PCDHGA2: variants seen among roughly 807,000 people sequenced by gnomAD.
The protein encoded by PCDHGA2 is protocadherin gamma subfamily A, 2, also known as protocadherin gamma-A2.
PCDHGA2 carries 40 observed loss-of-function variants against 59.2 expected under a neutral mutation model. The observed-to-expected ratio is 0.68, with a 90% CI of 0.52 to 0.88. PCDHGA2 has a LOEUF of 0.88. Among genes scored for constraint, PCDHGA2 ranks in the 40% least tolerant of loss-of-function variants. The pLI, the probability that PCDHGA2 is intolerant of heterozygous loss-of-function variation, is 0.00. For missense variants in PCDHGA2, 1,226 were observed against 1,204.0 expected, an observed-to-expected ratio of 1.02 and a Z score of -0.27; for synonymous variants, 560 against 526.0, an observed-to-expected ratio of 1.06 and a Z score of -0.89.
chr5:141,502,655 C>T (rs72790073), intron 2 of PCDHGA2, among the ~76,000 whole-genome samples: 29,437 of 152,034 alleles, frequency 0.19, 2,877 homozygotes, highest in Middle Eastern at 0.24. Context: ...AGGCAGCAAC[C>T]CTTCATGCAA....
intron 1 of PCDHGA2, among the ~76,000 whole-genome samples, chr5:141,456,363 G>A (rs1233146015): frequency 6.6e-6 from 1 of 152,098 alleles, no homozygotes; most frequent in African/African-American, 2.4e-5. Flanking sequence ...GTCCATGTGT[G>A]GTTCAGTTTA....
At chr5:141,483,670 A>G (rs1158511173) in intron 1 of PCDHGA2, among the ~76,000 whole-genome samples, 1 of 138,404 alleles carries the variant, frequency 7.2e-6, no homozygotes, top group African/African-American at 3.1e-5. Context: ...GTGTGTGTGT[A>G]AAAGAACACA....
rs779686795 is a variant in PCDHGA2, at chr5:141,476,566, G to A, written c.2425-18241G>A. On this transcript the variant is annotated intron_variant, in intron 1 of 3. Coordinates refer to ENST00000394576, the MANE Select transcript of PCDHGA2 (RefSeq NM_018915.4). The surrounding 1 kb of genome is among the most constrained non-coding windows in gnomAD (Gnocchi z 7.6). ...TGGAGATTAGCGAGGCCGTGGCTCC[G>A]GGGACGCGCTTTCCGCTCGAGAGCG... The A allele has an allele frequency of 1.2e-6, 2 of 1,614,062 alleles. No homozygotes were observed. Among genetic ancestry groups the A allele is most frequent in the East Asian group, 2.2e-5 (1 of 44,872 alleles).
intron 1 of PCDHGA2, chr5:141,383,126 C>T (rs1024955582): frequency 6.2e-7 from 1 of 1,614,062 alleles, no homozygotes; most frequent in African/African-American, 1.3e-5. Context: ...CAGCTTTTCG[C>T]CCTGAACCAG....
At chr5:141,385,158 T>C in intron 1 of PCDHGA2, 2 of 1,614,212 alleles carry the variant, frequency 1.2e-6, no homozygotes, top group African/African-American at 2.7e-5. Context: ...TGCAGACCTA[T>C]TCCCATGAGG....
chr5:141,340,674 C>T lies in PCDHGA2; in HGVS notation c.1703C>T (p.Pro568Leu), dbSNP rs142481120. Residue 568 changes from proline to leucine, a missense_variant, in exon 1 of 4, where the codon CCC (proline) becomes CTC (leucine). Pro to Leu is a moderately conservative substitution (Grantham distance 98). Coordinates refer to ENST00000394576, the MANE Select transcript of PCDHGA2 (RefSeq NM_018915.4). Reference protein sequence around the residue: ...NAPEILYPAFPTDGSTGVELA... With the variant: ...NAPEILYPAFLTDGSTGVELA... ...CCCGAGATCCTGTACCCTGCCTTCC[C>T]CACAGACGGTTCCACTGGCGTGGAG... The T allele has an allele frequency of 1.3e-5, 21 of 1,614,116 alleles. No individual in the cohort carries two copies.
intron 1 of PCDHGA2, chr5:141,370,123 T>C (rs776466728): frequency 5.1e-6 from 2 of 388,722 alleles, no homozygotes; most frequent in Non-Finnish European, 9.1e-6. Flanking sequence ...TAGCTCCTTA[T>C]TTGGAGCTGA....
chr5:141,425,949 C>T (rs2096905190), intron 1 of PCDHGA2, among the ~76,000 whole-genome samples: 1 of 152,224 alleles, frequency 6.6e-6, no homozygotes. Flanking sequence ...GTTTCCTATA[C>T]ATTAGTCCAA....
chr5:141,357,080 G>T (rs1760455892), intron 1 of PCDHGA2: 2 of 1,613,924 alleles, frequency 1.2e-6, no homozygotes, highest in Non-Finnish European at 1.7e-6. Context: ...GGCGAGGTGC[G>T]CACCGCACGG....
chr5:141,437,217 T>G (rs2097868672), intron 1 of PCDHGA2, among the ~76,000 whole-genome samples: 1 of 152,230 alleles, frequency 6.6e-6, no homozygotes, highest in Admixed American at 6.5e-5. Flanking sequence ...TTATTCTGAT[T>G]CCAGTCATAA....
chr5:141,399,442 A>G, intron 1 of PCDHGA2: 1 of 1,613,996 alleles, frequency 6.2e-7, no homozygotes. Context: ...CCTACATATC[A>G]GAGACGTCAA....
At chr5:141,381,826 C>CTTCTTTTTTTTTT (rs1777532522) in intron 1 of PCDHGA2, among the ~76,000 whole-genome samples, 2 of 74,284 alleles carry the variant, frequency 2.7e-5, no homozygotes, top group African/African-American at 1.2e-4. Context: ...CTTTCTTCTT[C>CTTCTTTTTTTTTT]TTTTTTTTTT....
At position 141,476,387 on chromosome 5, in the gene PCDHGA2, C is replaced by A. The variant is rs147660262; in HGVS notation, c.2425-18420C>A. ...GACCGGAGAGATGTTTGTGAACGAC[C>A]GTCTGGATCGAGAGGAGCTGTGTGG... is the stretch of plus-strand genomic sequence containing the variant. On this transcript the variant is annotated intron_variant, in intron 1 of 3. Transcript: ENST00000394576. The surrounding 1 kb of genome is among the most constrained non-coding windows in gnomAD (Gnocchi z 7.6). 1.2e-6 allele frequency: 2 copies of A among 1,614,076 alleles called. No individual in the cohort carries two copies. Among genetic ancestry groups the A allele is most frequent in the Non-Finnish European group, 8.5e-7 (1 of 1,180,024 alleles).
rs374191427 is a variant in PCDHGA2 at position 141,419,804 on chromosome 5, G to A, written c.2425-75003G>A. ...GCGCCTGCTAGTCGCTGTAAGAGAT[G>A]GAGGACAGCCACCCCTTTCAGCCAC... On this transcript the variant is annotated intron_variant, in intron 1 of 3. Coordinates refer to ENST00000394576, the MANE Select transcript of PCDHGA2 (RefSeq NM_018915.4). The A allele has an allele frequency of 2.8e-5, 45 of 1,613,946 alleles. No homozygotes were observed. The highest frequency in any genetic ancestry group is 1.6e-4 in the Middle Eastern group (1 of 6,082).
chr5:141,358,758 G>A (rs1369983986), intron 1 of PCDHGA2, among the ~76,000 whole-genome samples: 3 of 152,164 alleles, frequency 2.0e-5, no homozygotes, highest in Admixed American at 2.0e-4. Context: ...TTGTCATCAT[G>A]TGAGCCTCTT....
chr5:141,361,276 G>A (rs1242362767), intron 1 of PCDHGA2: 6 of 1,613,950 alleles, frequency 3.7e-6, no homozygotes, highest in East Asian at 2.2e-5. Flanking sequence ...AGAAAATGGA[G>A]AAGTTTACTG....
chr5:141,387,132 C>T lies in PCDHGA2; in HGVS notation c.2424+45737C>T, dbSNP rs180939160. Among the ~76,000 whole-genome samples, 392 of 152,234 alleles carry T rather than the reference C, an allele frequency of 2.6e-3. 2 individuals carry two copies. The highest frequency in any genetic ancestry group is 9.3e-3 in the African/African-American group (386 of 41,528). ...TATTCCTGTAATGAAATCACTGAAA[C>T]TATTGGGAAGGGGGTGTATTTGAAG... On this transcript the variant is annotated intron_variant, in intron 1 of 3. Coordinates refer to ENST00000394576, the MANE Select transcript of PCDHGA2 (RefSeq NM_018915.4).
chr5:141,448,915 A>T (rs2098616551), intron 1 of PCDHGA2, among the ~76,000 whole-genome samples: 1 of 152,238 alleles, frequency 6.6e-6, no homozygotes. Context: ...ACTGCACTCC[A>T]GCCTGGGCGA....
intron 1 of PCDHGA2, among the ~76,000 whole-genome samples, chr5:141,474,926 C>T (rs756761848): frequency 1.3e-5 from 2 of 152,218 alleles, no homozygotes; most frequent in Non-Finnish European, 2.9e-5. Context: ...TCATCTCTGG[C>T]TTATATCACA....
Sources: gnomAD v4.1 joint callset for allele counts (sites outside exome capture counted in the v4.1 genomes callset) on GRCh38, gnomAD v4.1.1 for gene constraint, Gnocchi (gnomAD v3.1) non-coding constraint, MANE v1.5 for transcripts, NCBI Gene and HGNC (gene_info 2026-07-23, HGNC 2026-07-21) for gene names.